TMEM132D: variants seen among roughly 807,000 people sequenced by gnomAD.
TMEM132D encodes the protein transmembrane protein 132D.
Under a neutral mutation model 62.3 loss-of-function variants are expected in TMEM132D, and 21 were observed. The ratio of observed to expected loss-of-function variants is 0.34; its 90% CI spans 0.24 to 0.49. The LOEUF is 0.49. Ranked by LOEUF, TMEM132D falls within the 20% of genes least tolerant of loss-of-function variation. The pLI, the probability that TMEM132D is intolerant of heterozygous loss-of-function variation, is 0.99. For synonymous variants in TMEM132D, 621 were observed against 575.6 expected (o/e 1.08, Z -1.13); for missense variants, 1,346 against 1,402.8 (o/e 0.96, Z 0.65).
At chr12:129,900,376 C>T (rs1187321272) in intron 1 of TMEM132D, among the ~76,000 whole-genome samples, 1 of 152,122 alleles carries the variant, frequency 6.6e-6, no homozygotes, top group Non-Finnish European at 1.5e-5. Context: ...TTCAGGAAGG[C>T]GCTCCAAGAA....
chr12:129,177,620 T>C (rs931624383), intron 5 of TMEM132D, among the ~76,000 whole-genome samples: 33 of 152,076 alleles, frequency 2.2e-4, no homozygotes, highest in Non-Finnish European at 4.4e-5. Context: ...TAGCCAGGCA[T>C]GGTGGTGTGT....
At chr12:129,725,536 G>A (rs895050086) in intron 1 of TMEM132D, among the ~76,000 whole-genome samples, 1 of 152,210 alleles carries the variant, frequency 6.6e-6, no homozygotes, top group African/African-American at 2.4e-5. Flanking sequence ...TAGGTGTTGG[G>A]AATACAGCAG....
At chr12:129,484,388 T>A (rs1874522424) in intron 3 of TMEM132D, among the ~76,000 whole-genome samples, 1 of 152,242 alleles carries the variant, frequency 6.6e-6, no homozygotes. Context: ...TCTACAGGGC[T>A]AGGCACACAA....
At chr12:129,200,462 G>A (rs1166306080) in intron 5 of TMEM132D, among the ~76,000 whole-genome samples, 1 of 152,240 alleles carries the variant, frequency 6.6e-6, no homozygotes, top group African/African-American at 2.4e-5. Context: ...CACAGGGAAA[G>A]TCTTCAAAGG....
intron 3 of TMEM132D, among the ~76,000 whole-genome samples, chr12:129,451,289 C>T (rs1019565978): frequency 1.3e-5 from 2 of 152,152 alleles, no homozygotes; most frequent in Non-Finnish European, 2.9e-5. Context: ...ACCCAGCTGG[C>T]AAGTTAGAAC....
intron 4 of TMEM132D, among the ~76,000 whole-genome samples, chr12:129,226,882 CCTGCTGT>C (rs1347303108): frequency 6.6e-6 from 1 of 152,162 alleles, no homozygotes; most frequent in Non-Finnish European, 1.5e-5. Flanking sequence ...CCCCACAACC[CCTGCTGT>C]CTGGGAATAA....
chr12:129,820,740 G>T (rs1243784065), intron 1 of TMEM132D, among the ~76,000 whole-genome samples: 1 of 152,164 alleles, frequency 6.6e-6, no homozygotes, highest in Non-Finnish European at 1.5e-5. Flanking sequence ...TGAACAAACT[G>T]TTCCTCAAAT....
intron 3 of TMEM132D, among the ~76,000 whole-genome samples, chr12:129,383,817 A>G (rs1408243739): frequency 2.6e-5 from 4 of 152,184 alleles, no homozygotes; most frequent in African/African-American, 9.7e-5. Context: ...CGTCAGATTC[A>G]CATGGATAAC....
At chr12:129,695,188 C>G (rs914681705) in intron 2 of TMEM132D, among the ~76,000 whole-genome samples, 1 of 152,112 alleles carries the variant, frequency 6.6e-6, no homozygotes, top group Non-Finnish European at 1.5e-5. Flanking sequence ...GGAGACATGA[C>G]CCCTATATGT....
At chr12:129,259,235 GGC>G (rs1880488993) in intron 4 of TMEM132D, among the ~76,000 whole-genome samples, 1 of 152,184 alleles carries the variant, frequency 6.6e-6, no homozygotes, top group Non-Finnish European at 1.5e-5. Context: ...GGAGGATCTA[GGC>G]TGAGCATCAG....
chr12:129,539,887 G>T (rs1207682641), intron 2 of TMEM132D, among the ~76,000 whole-genome samples: 1 of 152,116 alleles, frequency 6.6e-6, no homozygotes, highest in Non-Finnish European at 1.5e-5. Flanking sequence ...GCCAACTCAG[G>T]GGAGCCCAGC....
chr12:129,609,851 G>A (rs1021998691), intron 2 of TMEM132D, among the ~76,000 whole-genome samples: 1 of 152,204 alleles, frequency 6.6e-6, no homozygotes, highest in African/African-American at 2.4e-5. Flanking sequence ...ACAGACCAGG[G>A]CCTCAGGGAA....
intron 1 of TMEM132D, among the ~76,000 whole-genome samples, chr12:129,707,956 C>T (rs146426647): frequency 1.8e-3 from 268 of 152,300 alleles, no homozygotes; most frequent in African/African-American, 6.3e-3. Flanking sequence ...GTGGTTCACA[C>T]CCGTAATCCC....
rs888731551 is a variant in TMEM132D, at chr12:129,801,969, G to A, written c.80-101271C>T. On this transcript the variant is annotated intron_variant, in intron 1 of 8. Coordinates refer to ENST00000422113, the MANE Select transcript of TMEM132D (RefSeq NM_133448.3). ...GAAGATGAAATGAATGAAATGAAGC[G>A]AGAAGGGAAGTTTAGAGAAAAAAGA... Among the ~76,000 whole-genome samples, 582 of 151,202 alleles carry A rather than the reference G, an allele frequency of 3.8e-3. 6 individuals carry two copies. The highest frequency in any genetic ancestry group is 0.013 in the African/African-American group (552 of 40,920).
intron 8 of TMEM132D, among the ~76,000 whole-genome samples, chr12:129,077,889 AAAC>A (rs201376604): frequency 0.02 from 3,011 of 152,072 alleles, 33 homozygotes; most frequent in Non-Finnish European, 0.031. Flanking sequence ...AGACACACAA[AAAC>A]AACATATATG....
chr12:129,232,407 A>G (rs931023677), intron 4 of TMEM132D, among the ~76,000 whole-genome samples: 5 of 152,240 alleles, frequency 3.3e-5, no homozygotes, highest in African/African-American at 9.6e-5. Flanking sequence ...GGTGCCATAA[A>G]GTAAACACAG....
intron 1 of TMEM132D, among the ~76,000 whole-genome samples, chr12:129,753,593 T>G (rs371983854): frequency 1.7e-3 from 262 of 152,232 alleles, no homozygotes; most frequent in Middle Eastern, 6.8e-3. Context: ...AAAATAAGGG[T>G]AGACTGACAA....
intron 1 of TMEM132D, among the ~76,000 whole-genome samples, chr12:129,849,260 T>C (rs1277460421): frequency 2.6e-5 from 4 of 152,208 alleles, no homozygotes. Flanking sequence ...GACATCTCTA[T>C]ATATAAATAC....
chr12:129,715,419 G>C (rs1868535447), intron 1 of TMEM132D, among the ~76,000 whole-genome samples: 1 of 152,170 alleles, frequency 6.6e-6, no homozygotes, highest in Admixed American at 6.5e-5. Context: ...TACCAGGAGA[G>C]AATGAAGGAA....
Sources: gnomAD v4.1 joint callset for allele counts (sites outside exome capture counted in the v4.1 genomes callset) on GRCh38, gnomAD v4.1.1 for gene constraint, MANE v1.5 for transcripts, NCBI Gene and HGNC (gene_info 2026-07-23, HGNC 2026-07-21) for gene names.